PCGF3: variants seen among roughly 807,000 people sequenced by gnomAD.
PCGF3 encodes the protein polycomb group RING finger protein 3.
A neutral mutation model predicts 33.1 loss-of-function variants in PCGF3; 7 were observed. That is an observed-to-expected ratio of 0.21 (90% CI 0.12 to 0.40). The LOEUF (loss-of-function observed/expected upper bound fraction) is 0.40, where lower values mean the gene tolerates loss of function less well. Among genes scored for constraint, PCGF3 ranks in the 10% least tolerant of loss-of-function variants. The probability of loss-of-function intolerance (pLI) is 1.00; values close to 1 mark genes in which losing one functional copy is unlikely to be tolerated. For synonymous variants in PCGF3, 153 were observed against 121.3 expected (o/e 1.26, Z -1.72); for missense variants, 211 against 313.3 (o/e 0.67, Z 2.46).
intron 8 of PCGF3, among the ~76,000 whole-genome samples, chr4:760,232 C>A (rs892456786): frequency 3.3e-5 from 5 of 152,160 alleles, no homozygotes; most frequent in African/African-American, 1.2e-4. Flanking sequence ...GTGGGAGATC[C>A]TTAGTCACTG....
chr4:768,662 A>C (rs1398752139), exon 11 of PCGF3: 1 of 152,594 alleles, frequency 6.6e-6, no homozygotes, highest in African/African-American at 2.4e-5. Context: ...TATAATATTG[A>C]ATTTAAGATT....
At chr4:715,102 T>G (rs35834462) in intron 1 of PCGF3, among the ~76,000 whole-genome samples, 16 of 46,964 alleles carry the variant, frequency 3.4e-4, no homozygotes, top group African/African-American at 1.3e-3. Context: ...CCCTGTAGAC[T>G]CTGTGAGTGT....
chr4:760,015 C>T (rs1744959960), intron 8 of PCGF3, among the ~76,000 whole-genome samples: 1 of 152,200 alleles, frequency 6.6e-6, no homozygotes, highest in African/African-American at 2.4e-5. Flanking sequence ...CATTGTCCCT[C>T]TCCTGTGATG....
chr4:751,351 T>C (rs1383303468), intron 8 of PCGF3, among the ~76,000 whole-genome samples: 2 of 152,230 alleles, frequency 1.3e-5, no homozygotes, highest in African/African-American at 4.8e-5. Context: ...GAAGTTTTGA[T>C]GCGACGTTAT....
chr4:742,033 TAA>T (rs1744114648), intron 6 of PCGF3, among the ~76,000 whole-genome samples: 1 of 152,174 alleles, frequency 6.6e-6, no homozygotes, highest in African/African-American at 2.4e-5. Context: ...TTCTCCAGGC[TAA>T]TCTTTCAGCA....
intron 9 of PCGF3, among the ~76,000 whole-genome samples, chr4:764,003 GA>G (rs769726903): frequency 1.3e-5 from 2 of 152,226 alleles, no homozygotes; most frequent in Non-Finnish European, 2.9e-5. Context: ...TGGCGCACTG[GA>G]AAAGGCAGAA....
At chr4:716,888 C>T (rs367943696) in intron 1 of PCGF3, among the ~76,000 whole-genome samples, 37 of 105,096 alleles carry the variant, frequency 3.5e-4, no homozygotes, top group South Asian at 1.1e-3. Flanking sequence ...CGGTGCTGGG[C>T]CCCTGTGGAC....
At chr4:742,744 C>A (rs1001512366) in intron 6 of PCGF3, among the ~76,000 whole-genome samples, 1 of 152,184 alleles carries the variant, frequency 6.6e-6, no homozygotes, top group African/African-American at 2.4e-5. Flanking sequence ...TGCTGCGGCC[C>A]GTCTGCCGCC....
intron 9 of PCGF3, among the ~76,000 whole-genome samples, chr4:763,763 A>T (rs1158143700): frequency 2.0e-5 from 3 of 152,250 alleles, no homozygotes; most frequent in Admixed American, 6.5e-5. Flanking sequence ...CCGGATGTTG[A>T]TAGCATCTTT....
rs1377249496 is a variant in PCGF3, at chr4:737,570, TGCAGCCCC to T, written c.262+50_262+57del. 6 of 1,158,084 alleles carry T rather than the reference TGCAGCCCC, an allele frequency of 5.2e-6. No homozygotes were observed. The African/African-American group carries it at 7.6e-5, about 15-fold the overall frequency. 71.7% of individuals were successfully genotyped at this position (1,158,084 alleles called of 1,614,324 possible). A position where few individuals can be genotyped will look rare whatever the true frequency, so the allele number is the denominator to read the frequency against. On this transcript the variant is annotated intron_variant, in intron 6 of 10. Transcript: ENST00000362003. ...ATCCCTGAGGTCCCAGCCTGGCCTCTGCAGCCCCTGCTCTCCTGGAAGTTTGGTTCTCG... is the reference window on the plus strand; with the variant it reads ...ATCCCTGAGGTCCCAGCCTGGCCTCTTGCTCTCCTGGAAGTTTGGTTCTCG...
rs1024312080 is a variant in PCGF3 at position 720,501 on chromosome 4, C to G, written c.-189-10129C>G. Among the ~76,000 whole-genome samples the G allele has an allele frequency of 6.6e-6, 1 of 152,184 alleles. No homozygotes were observed. The highest frequency in any genetic ancestry group is 2.4e-5 in the African/African-American group (1 of 41,442). On this transcript the variant is annotated intron_variant, in intron 1 of 10. Coordinates refer to ENST00000362003, the Ensembl canonical transcript of PCGF3. The surrounding 1 kb of genome is among the most constrained non-coding windows in gnomAD (Gnocchi z 5.6). ...GCCCACCCGTGAGTGGGTAGGGCCTCCTGCCAGGGAGCCTTGTGCATGGCT... is the reference window on the plus strand; with the variant it reads ...GCCCACCCGTGAGTGGGTAGGGCCTGCTGCCAGGGAGCCTTGTGCATGGCT...
chr4:758,435 C>T (rs1283308834), intron 8 of PCGF3, among the ~76,000 whole-genome samples: 1 of 143,326 alleles, frequency 7.0e-6, no homozygotes, highest in Non-Finnish European at 1.5e-5. Flanking sequence ...GCCCCTCTCC[C>T]GAGTTCTTCT....
intron 1 of PCGF3, among the ~76,000 whole-genome samples, chr4:708,290 G>T (rs1363063246): frequency 6.6e-6 from 1 of 152,140 alleles, no homozygotes; most frequent in Non-Finnish European, 1.5e-5. Context: ...GGAACTTCCA[G>T]ACAGGTCCTC....
chr4:733,692 G>A, exon 4 of PCGF3: 1 of 1,605,688 alleles, frequency 6.2e-7, no homozygotes, highest in Non-Finnish European at 8.5e-7. Flanking sequence ...TGTTGACCAG[G>A]AAGATCAAGC....
intron 5 of PCGF3, among the ~76,000 whole-genome samples, chr4:736,768 G>T (rs1743853961): frequency 1.3e-5 from 2 of 149,546 alleles, no homozygotes; most frequent in African/African-American, 4.9e-5. Context: ...CGCAGGGACG[G>T]TGTCCCCTGA....
At chr4:710,824 C>G (rs967849438) in intron 1 of PCGF3, among the ~76,000 whole-genome samples, 16 of 152,208 alleles carry the variant, frequency 1.1e-4, no homozygotes, top group Admixed American at 2.6e-4. Flanking sequence ...AGGATTTTTG[C>G]TGTTCCCAGA....
intron 8 of PCGF3, among the ~76,000 whole-genome samples, chr4:747,727 C>G (rs1444006368): frequency 1.3e-5 from 2 of 152,068 alleles, no homozygotes; most frequent in Non-Finnish European, 2.9e-5. Context: ...CCCCGGGCCT[C>G]CGGGACACTC....
At chr4:766,071 T>A in exon 11 of PCGF3, 1 of 1,614,124 alleles carries the variant, frequency 6.2e-7, no homozygotes. Context: ...CAAGATGGAC[T>A]TGCTGTGAAT....
chr4:718,948 T>C (rs960881448), intron 1 of PCGF3, among the ~76,000 whole-genome samples: 1 of 152,204 alleles, frequency 6.6e-6, no homozygotes, highest in Non-Finnish European at 1.5e-5. Flanking sequence ...TTTCTTTTTT[T>C]TCTTTTTTCT....
Sources: gnomAD v4.1 joint callset for allele counts (sites outside exome capture counted in the v4.1 genomes callset) on GRCh38, gnomAD v4.1.1 for gene constraint, Gnocchi (gnomAD v3.1) non-coding constraint, MANE v1.5 for transcripts, NCBI Gene and HGNC (gene_info 2026-07-23, HGNC 2026-07-21) for gene names.